SDK1: variants seen among roughly 807,000 people sequenced by gnomAD.
SDK1 encodes the protein protein sidekick-1.
SDK1 carries 157 observed loss-of-function variants against 245.5 expected under a neutral mutation model. That is an observed-to-expected ratio of 0.64 (90% CI 0.56 to 0.73). The LOEUF is 0.73. Among genes scored for constraint, SDK1 ranks in the 30% least tolerant of loss-of-function variants. The probability of loss-of-function intolerance (pLI) is 0.00; values close to 1 mark genes in which losing one functional copy is unlikely to be tolerated. For missense variants in SDK1, 3,583 were observed against 3,002.3 expected (o/e 1.19, Z -4.52); for synonymous variants, 1,647 against 1,278.5 (o/e 1.29, Z -6.15).
intron 17 of SDK1, among the ~76,000 whole-genome samples, chr7:4,039,167 G>A (rs1259578218): frequency 1.4e-5 from 2 of 144,464 alleles, no homozygotes; most frequent in Non-Finnish European, 3.0e-5. Context: ...TGGGGGGAGC[G>A]GGGAGGGATA....
chr7:3,785,982 A>T (rs1388811363), intron 4 of SDK1, among the ~76,000 whole-genome samples: 1 of 152,230 alleles, frequency 6.6e-6, no homozygotes, highest in Non-Finnish European at 1.5e-5. Context: ...TAGGTCATGC[A>T]TCTTGTTTTC....
chr7:3,982,158 C>T (rs1783456628), intron 13 of SDK1, among the ~76,000 whole-genome samples: 1 of 152,194 alleles, frequency 6.6e-6, no homozygotes, highest in Non-Finnish European at 1.5e-5. Flanking sequence ...ATCTACTTTG[C>T]CTGTGCTCTG....
chr7:3,418,402 G>A (rs961226646), intron 1 of SDK1, among the ~76,000 whole-genome samples: 1 of 152,152 alleles, frequency 6.6e-6, no homozygotes, highest in African/African-American at 2.4e-5. Context: ...TCACTGCAAA[G>A]AGTCACTGGC....
intron 1 of SDK1, among the ~76,000 whole-genome samples, chr7:3,444,560 T>A (rs1276588917): frequency 1.3e-5 from 2 of 152,176 alleles, no homozygotes; most frequent in Admixed American, 6.5e-5. Flanking sequence ...AAATTCTGTT[T>A]AAAATGGGCC....
intron 1 of SDK1, among the ~76,000 whole-genome samples, chr7:3,319,350 G>A (rs1318279270): frequency 6.6e-6 from 1 of 152,130 alleles, no homozygotes; most frequent in Non-Finnish European, 1.5e-5. Flanking sequence ...AATGCTTGTG[G>A]AGGGTCTTGT....
chr7:3,804,748 T>C (rs535654436), intron 4 of SDK1, among the ~76,000 whole-genome samples: 1 of 152,348 alleles, frequency 6.6e-6, no homozygotes, highest in South Asian at 2.1e-4. Context: ...AGTATTTTTG[T>C]AGTTTTCAGC....
intron 1 of SDK1, among the ~76,000 whole-genome samples, chr7:3,350,854 C>T (rs1159964803): frequency 1.3e-5 from 2 of 151,966 alleles, no homozygotes; most frequent in Non-Finnish European, 2.9e-5. Context: ...AGTTTTTTCC[C>T]CCCATTAAAA....
At chr7:3,594,067 A>G (rs796099229) in intron 1 of SDK1, among the ~76,000 whole-genome samples, 2 of 152,104 alleles carry the variant, frequency 1.3e-5, no homozygotes, top group African/African-American at 4.8e-5. Flanking sequence ...ACATCCCCAA[A>G]AGAAACCATG....
At chr7:3,446,424 T>G (rs777367144) in intron 1 of SDK1, among the ~76,000 whole-genome samples, 2 of 152,164 alleles carry the variant, frequency 1.3e-5, no homozygotes, top group Non-Finnish European at 2.9e-5. Flanking sequence ...GACAATCTTA[T>G]AGTTGATAAG....
chr7:3,874,052 C>G (rs1202100573), intron 5 of SDK1, among the ~76,000 whole-genome samples: 3 of 152,080 alleles, frequency 2.0e-5, no homozygotes, highest in Non-Finnish European at 2.9e-5. Context: ...TATAATAGGA[C>G]AGTAGACACT....
intron 19 of SDK1, among the ~76,000 whole-genome samples, chr7:4,059,358 G>A (rs1779392912): frequency 6.6e-6 from 1 of 152,170 alleles, no homozygotes; most frequent in South Asian, 2.1e-4. Flanking sequence ...GAAGGTTATT[G>A]TGTAATGATA....
At chr7:3,920,233 A>G (rs950975588) in intron 5 of SDK1, among the ~76,000 whole-genome samples, 5 of 152,168 alleles carry the variant, frequency 3.3e-5, no homozygotes, top group African/African-American at 1.2e-4. Flanking sequence ...GGTCGGGGTG[A>G]TTCGTTGAAA....
intron 5 of SDK1, among the ~76,000 whole-genome samples, chr7:3,860,459 C>G (rs768314823): frequency 2.0e-5 from 3 of 152,060 alleles, no homozygotes; most frequent in African/African-American, 4.8e-5. Context: ...TTAAGGCAAA[C>G]TATAAATTTT....
At chr7:4,197,193 G>A (rs1259467774) in intron 35 of SDK1, among the ~76,000 whole-genome samples, 1 of 152,060 alleles carries the variant, frequency 6.6e-6, no homozygotes, top group Non-Finnish European at 1.5e-5. Context: ...GCCAGGCATG[G>A]TGGCTCATGC....
At chr7:3,463,578 C>T (rs1316025596) in intron 1 of SDK1, among the ~76,000 whole-genome samples, 1 of 147,094 alleles carries the variant, frequency 6.8e-6, no homozygotes, top group African/African-American at 2.7e-5. Context: ...GCCATGGGAT[C>T]ATGGCTTTCA....
intron 1 of SDK1, among the ~76,000 whole-genome samples, chr7:3,538,594 T>C (rs1778964043): frequency 6.6e-6 from 1 of 152,210 alleles, no homozygotes; most frequent in Non-Finnish European, 1.5e-5. Context: ...GCTGTCCATA[T>C]CTTGGATTCC....
In SDK1 at chr7:4,208,082, C is replaced by G. The variant is rs1562434069; in HGVS notation, c.5215-17C>G. On this transcript the variant is annotated splice_polypyrimidine_tract_variant and intron_variant, in intron 36 of 44. Transcript: ENST00000404826. ...GCTTCCCCAGGACCCACCCCAACCT[C>G]TTGCTGTTCCTAACAGATTTACTAC... is the stretch of plus-strand genomic sequence containing the variant. 3 of 1,601,806 alleles carry G rather than the reference C, an allele frequency of 1.9e-6. No homozygotes were observed. Among genetic ancestry groups the G allele is most frequent in the East Asian group, 2.2e-5 (1 of 44,700 alleles).
intron 1 of SDK1, among the ~76,000 whole-genome samples, chr7:3,469,674 C>T (rs370998582): frequency 1.3e-5 from 2 of 152,156 alleles, no homozygotes; most frequent in African/African-American, 4.8e-5. Context: ...CGTCTAGTTA[C>T]TTAAGGATTT....
At chr7:3,900,807 T>G (rs1359176745) in intron 5 of SDK1, among the ~76,000 whole-genome samples, 2 of 152,186 alleles carry the variant, frequency 1.3e-5, no homozygotes, top group Non-Finnish European at 2.9e-5. Context: ...TTTGCAGATT[T>G]GTTGCAGACA....
Sources: gnomAD v4.1 joint callset for allele counts (sites outside exome capture counted in the v4.1 genomes callset) on GRCh38, gnomAD v4.1.1 for gene constraint, MANE v1.5 for transcripts, NCBI Gene and HGNC (gene_info 2026-07-23, HGNC 2026-07-21) for gene names.